Variants in IQCM observed in about 807,000 individuals in gnomAD.
IQCM encodes IQ domain-containing protein M.
In IQCM, 45 loss-of-function variants were observed where a neutral mutation model predicts 57.6. The observed-to-expected ratio is 0.78, with a 90% CI of 0.62 to 1.00. The LOEUF (loss-of-function observed/expected upper bound fraction) is 1.00, where lower values mean the gene tolerates loss of function less well. Ranked by LOEUF, IQCM falls within the 50% of genes least tolerant of loss-of-function variation. The probability of loss-of-function intolerance (pLI) is 0.00; values close to 1 mark genes in which losing one functional copy is unlikely to be tolerated. For missense variants in IQCM, 468 were observed against 511.6 expected (o/e 0.91, Z 0.82); for synonymous variants, 148 against 158.9 (o/e 0.93, Z 0.51).
chr4:149,507,858 C>T (rs1296748908), intron 12 of IQCM, among the ~76,000 whole-genome samples: 1 of 152,138 alleles, frequency 6.6e-6, no homozygotes, highest in Admixed American at 6.5e-5. Flanking sequence ...GCGGCAGCCC[C>T]TCCCATCACA....
At chr4:149,379,129 T>C (rs1377337904) in intron 13 of IQCM, among the ~76,000 whole-genome samples, 1 of 152,176 alleles carries the variant, frequency 6.6e-6, no homozygotes, top group Non-Finnish European at 1.5e-5. Context: ...TTTCAGAGGA[T>C]GTATGGAAAC....
At chr4:149,595,299 A>G (rs1238363704) in intron 8 of IQCM, among the ~76,000 whole-genome samples, 1 of 151,370 alleles carries the variant, frequency 6.6e-6, no homozygotes, top group Non-Finnish European at 1.5e-5. Context: ...TTTGTTTTCC[A>G]TTTGCTTGGT....
At chr4:149,602,010 T>G (rs1346427707) in intron 8 of IQCM, among the ~76,000 whole-genome samples, 1 of 136,198 alleles carries the variant, frequency 7.3e-6, no homozygotes, top group African/African-American at 2.8e-5. Context: ...GCCAAGATTG[T>G]GCCACTGCGC....
At chr4:149,400,744 A>T (rs1732562419) in intron 13 of IQCM, among the ~76,000 whole-genome samples, 1 of 151,982 alleles carries the variant, frequency 6.6e-6, no homozygotes, top group Admixed American at 6.6e-5. Context: ...TAAAGTCAAT[A>T]AATATTAAAA....
chr4:149,692,547 T>A (rs908526133), intron 5 of IQCM, among the ~76,000 whole-genome samples: 3 of 152,160 alleles, frequency 2.0e-5, no homozygotes, highest in African/African-American at 7.2e-5. Flanking sequence ...AGTGCTAAAC[T>A]AAAAGCCCTC....
intron 6 of IQCM, among the ~76,000 whole-genome samples, chr4:149,684,968 C>T (rs1020264745): frequency 1.3e-5 from 2 of 151,342 alleles, no homozygotes; most frequent in Non-Finnish European, 3.0e-5. Context: ...TGTTGATCTT[C>T]CTCATTAAGC....
intron 12 of IQCM, among the ~76,000 whole-genome samples, chr4:149,458,952 T>TA (rs1380093245): frequency 1.3e-5 from 2 of 152,146 alleles, no homozygotes; most frequent in African/African-American, 4.8e-5. Flanking sequence ...ATGGAAGTCA[T>TA]AACAATAAAG....
At chr4:149,406,332 A>G (rs1354773045) in intron 13 of IQCM, among the ~76,000 whole-genome samples, 4 of 152,156 alleles carry the variant, frequency 2.6e-5, no homozygotes, top group Non-Finnish European at 5.9e-5. Flanking sequence ...ACCACCAGTC[A>G]GGGAGGTAAG....
intron 13 of IQCM, among the ~76,000 whole-genome samples, chr4:149,353,938 A>G (rs1728745619): frequency 6.6e-6 from 1 of 152,210 alleles, no homozygotes; most frequent in African/African-American, 2.4e-5. Context: ...TCTTGTCGCA[A>G]AAACAAAATA....
chr4:149,604,272 G>A (rs1754581659), intron 8 of IQCM, among the ~76,000 whole-genome samples: 1 of 152,044 alleles, frequency 6.6e-6, no homozygotes, highest in African/African-American at 2.4e-5. Flanking sequence ...TCTTACATAT[G>A]TGTAGGCCCA....
At chr4:149,609,709 C>T (rs1050515686) in intron 8 of IQCM, among the ~76,000 whole-genome samples, 3 of 151,708 alleles carry the variant, frequency 2.0e-5, no homozygotes, top group African/African-American at 7.3e-5. Context: ...AAACTCTCAA[C>T]AAACTCGGTA....
intron 12 of IQCM, among the ~76,000 whole-genome samples, chr4:149,532,519 T>G (rs1224386767): frequency 6.6e-6 from 1 of 151,788 alleles, no homozygotes; most frequent in Non-Finnish European, 1.5e-5. Flanking sequence ...CTTTTTTTTT[T>G]TTTTTTTGTC....
chr4:149,761,597 G>T (rs1208488398), intron 2 of IQCM, among the ~76,000 whole-genome samples: 2 of 151,980 alleles, frequency 1.3e-5, no homozygotes, highest in African/African-American at 2.4e-5. Context: ...TTTAAATCTT[G>T]TAGTATGGTT....
intron 13 of IQCM, among the ~76,000 whole-genome samples, chr4:149,367,223 T>A (rs1490584292): frequency 6.6e-6 from 1 of 152,118 alleles, no homozygotes; most frequent in Non-Finnish European, 1.5e-5. Context: ...TAGCACTCAT[T>A]TTTTAAGGAG....
At chr4:149,383,731 A>G (rs147555383) in intron 13 of IQCM, among the ~76,000 whole-genome samples, 19 of 152,224 alleles carry the variant, frequency 1.2e-4, no homozygotes, top group African/African-American at 4.3e-4. Flanking sequence ...AGGGAGGTGG[A>G]TCACCTGAGG....
At chr4:149,720,654 G>A (rs1009917429) in intron 5 of IQCM, among the ~76,000 whole-genome samples, 2 of 152,162 alleles carry the variant, frequency 1.3e-5, no homozygotes, top group African/African-American at 4.8e-5. Context: ...TTCTGCAAGA[G>A]CATTCAAAAG....
intron 2 of IQCM, among the ~76,000 whole-genome samples, chr4:149,754,128 T>G (rs1387177112): frequency 6.6e-6 from 1 of 152,182 alleles, no homozygotes; most frequent in East Asian, 1.9e-4. Context: ...ATTACCCAGC[T>G]GCTAGCAATG....
chr4:149,626,405 A>ATATATATATAT (rs1554010309), intron 7 of IQCM, among the ~76,000 whole-genome samples: 2 of 119,562 alleles, frequency 1.7e-5, no homozygotes, highest in Non-Finnish European at 3.6e-5. Context: ...ATATATATAT[A>ATATATATATAT]AGTTTATAGC....
chr4:149,517,199 T>C (rs1179460253), intron 12 of IQCM, among the ~76,000 whole-genome samples: 3 of 150,616 alleles, frequency 2.0e-5, no homozygotes, highest in African/African-American at 4.9e-5. Flanking sequence ...TAGAAGAAGG[T>C]AGTCATCAGT....
Sources: gnomAD v4.1 joint callset for allele counts (sites outside exome capture counted in the v4.1 genomes callset) on GRCh38, gnomAD v4.1.1 for gene constraint, MANE v1.5 for transcripts, NCBI Gene and HGNC (gene_info 2026-07-23, HGNC 2026-07-21) for gene names.